KIAA1217: variants seen among roughly 807,000 people sequenced by gnomAD.
The protein encoded by KIAA1217 is sickle tail protein homolog.
Under a neutral mutation model 163.9 loss-of-function variants are expected in KIAA1217, and 88 were observed. The observed-to-expected ratio is 0.54, with a 90% CI of 0.45 to 0.64. The LOEUF (loss-of-function observed/expected upper bound fraction) is 0.64, where lower values mean the gene tolerates loss of function less well. KIAA1217 is among the 30% of genes least tolerant of loss of function. The pLI is 0.00. For missense variants in KIAA1217, 2,372 were observed against 2,475.0 expected, an observed-to-expected ratio of 0.96 and a Z score of 0.88; for synonymous variants, 903 against 923.1, an observed-to-expected ratio of 0.98 and a Z score of 0.39.
At chr10:23,716,769 AC>A (rs747145289) in intron 1 of KIAA1217, among the ~76,000 whole-genome samples, 24 of 152,314 alleles carry the variant, frequency 1.6e-4, no homozygotes, top group Non-Finnish European at 3.2e-4. Flanking sequence ...CAACAAAAAA[AC>A]ATTCTTGTGG....
chr10:24,052,044 T>A (rs771449319), intron 2 of KIAA1217, among the ~76,000 whole-genome samples: 2 of 152,104 alleles, frequency 1.3e-5, no homozygotes, highest in Non-Finnish European at 2.9e-5. Context: ...TTGGCATGGC[T>A]TCTTATTAAC....
chr10:24,156,885 G>A (rs1007570894), intron 2 of KIAA1217, among the ~76,000 whole-genome samples: 2 of 152,130 alleles, frequency 1.3e-5, no homozygotes, highest in Non-Finnish European at 2.9e-5. Context: ...GCCTCTTTGA[G>A]TGTCATGCTT....
chr10:24,544,991 G>A lies in KIAA1217; in HGVS notation c.5222G>A (p.Gly1741Glu), dbSNP rs200980293. ...TGGTCCTTCCCACAGGGCTCCAGCGGGGCCCCACAGACGAGCAGGATGCCT... is the reference window on the plus strand; with the variant it reads ...TGGTCCTTCCCACAGGGCTCCAGCGAGGCCCCACAGACGAGCAGGATGCCT... ...IPSASRKGSS[G>E]APQTSRMPVP... The change falls in exon 20 of 21, where the codon GGG becomes GAG. Residue 1741 changes from glycine (G) to glutamate (E), a missense_variant. Physicochemically the swap from Gly to Glu is moderately conservative, Grantham distance 98. Coordinates refer to ENST00000376454, the MANE Select transcript of KIAA1217 (RefSeq NM_019590.5). 6.3e-5 allele frequency: 101 copies of A among 1,613,892 alleles called. No individual in the cohort carries two copies. The highest frequency in any genetic ancestry group is 2.5e-6 in the Non-Finnish European group (3 of 1,179,964).
At chr10:24,009,461 A>G (rs1351195909) in intron 2 of KIAA1217, among the ~76,000 whole-genome samples, 1 of 152,188 alleles carries the variant, frequency 6.6e-6, no homozygotes, top group Non-Finnish European at 1.5e-5. Context: ...TAAAGAATAA[A>G]TGTGTTTCAA....
At position 24,416,564 on chromosome 10, in the gene KIAA1217, CA is replaced by C. The variant is rs142750933; in HGVS notation, c.554-16428del. 2.2e-3 allele frequency among the ~76,000 whole-genome samples: 334 copies of C among 152,316 alleles called. 5 individuals carry two copies. The East Asian group carries it at 0.022, about 10-fold the overall frequency. On this transcript the variant is annotated intron_variant, in intron 3 of 20. Coordinates refer to ENST00000376454, the MANE Select transcript of KIAA1217 (RefSeq NM_019590.5). ...TTTTTAAAGGTATAAATCAAGCTAACAAACTATTAGATAAAATGTGTTCTAT... is the reference window on the plus strand; with the variant it reads ...TTTTTAAAGGTATAAATCAAGCTAACAACTATTAGATAAAATGTGTTCTAT...
chr10:24,411,742 C>T (rs923133471), intron 3 of KIAA1217, among the ~76,000 whole-genome samples: 5 of 151,866 alleles, frequency 3.3e-5, no homozygotes, highest in Admixed American at 6.6e-5. Context: ...AAGAAAACAA[C>T]GGAAAATTAA....
At chr10:24,355,152 G>A (rs916045719) in intron 2 of KIAA1217, among the ~76,000 whole-genome samples, 2 of 152,194 alleles carry the variant, frequency 1.3e-5, no homozygotes, top group Non-Finnish European at 2.9e-5. Flanking sequence ...CAGGTTGGCT[G>A]AACTCAGTCC....
rs778185120 is a variant in KIAA1217, at chr10:23,934,557, GTATATATATA to G, written c.-320-72644_-320-72635del. ...AAAAATATATTAAGTGGTCTTTAAA[GTATATATATA>G]TATATATATATATATATATATATGT... On this transcript the variant is annotated intron_variant, in intron 1 of 18. Coordinates refer to the KIAA1217 transcript ENST00000376462. Among the ~76,000 whole-genome samples, 158 of 44,342 alleles carry G rather than the reference GTATATATATA, an allele frequency of 3.6e-3. 6 individuals carry two copies. The highest frequency in any genetic ancestry group is 0.027 in the East Asian group (57 of 2,108). The allele number at this position is 44,342 out of a possible 152,430, so 29.1% of individuals were successfully genotyped here.
chr10:23,797,973 T>C (rs527964609), intron 1 of KIAA1217, among the ~76,000 whole-genome samples: 1 of 152,332 alleles, frequency 6.6e-6, no homozygotes, highest in Non-Finnish European at 1.5e-5. Flanking sequence ...CTTTAGGGAC[T>C]CTGCCACCTA....
At chr10:23,701,285 A>T (rs1836431202) in intron 1 of KIAA1217, among the ~76,000 whole-genome samples, 1 of 152,210 alleles carries the variant, frequency 6.6e-6, no homozygotes. Context: ...GCTGCTGAAG[A>T]TAAGTAGGAA....
At chr10:23,903,198 A>G (rs1402462217) in intron 1 of KIAA1217, among the ~76,000 whole-genome samples, 1 of 152,136 alleles carries the variant, frequency 6.6e-6, no homozygotes, top group Non-Finnish European at 1.5e-5. Flanking sequence ...AATAAAATCT[A>G]TTCCATTTTT....
intron 2 of KIAA1217, among the ~76,000 whole-genome samples, chr10:24,166,176 A>C (rs1276549871): frequency 1.3e-5 from 2 of 152,064 alleles, no homozygotes; most frequent in Non-Finnish European, 2.9e-5. Flanking sequence ...GAAAAAAAAA[A>C]CACCACCCTC....
chr10:24,409,530 T>G (rs991536027), intron 3 of KIAA1217, among the ~76,000 whole-genome samples: 3 of 152,206 alleles, frequency 2.0e-5, no homozygotes, highest in Non-Finnish European at 4.4e-5. Context: ...TTGGTGATCG[T>G]TTCATAAGTA....
At chr10:23,732,672 C>T (rs1838540933) in intron 1 of KIAA1217, among the ~76,000 whole-genome samples, 1 of 151,684 alleles carries the variant, frequency 6.6e-6, no homozygotes, top group Non-Finnish European at 1.5e-5. Context: ...TATTTTTTTC[C>T]TCTACTTACT....
intron 1 of KIAA1217, among the ~76,000 whole-genome samples, chr10:23,772,761 G>C (rs757709973): frequency 3.3e-5 from 5 of 152,160 alleles, no homozygotes; most frequent in Non-Finnish European, 7.3e-5. Context: ...AATCCTATTG[G>C]ATAATTAAGA....
rs575113337 is a variant in KIAA1217, at chr10:24,414,933, G to T, written c.554-18062G>T. Among the ~76,000 whole-genome samples, 4 of 152,178 alleles carry T rather than the reference G, an allele frequency of 2.6e-5. No individual in the cohort carries two copies. In the South Asian group the frequency reaches 8.3e-4, roughly 32 times the overall value. ...GTATCAGAGGAGAACAAAAGATAAA[G>T]GTACAACCAAAAAGTCTTCTGGAGT... On this transcript the variant is annotated intron_variant, in intron 3 of 20. Transcript: ENST00000376454.
chr10:23,701,635 A>G (rs116371559), intron 1 of KIAA1217, among the ~76,000 whole-genome samples: 2,480 of 152,080 alleles, frequency 0.016, 55 homozygotes, highest in African/African-American at 0.056. Context: ...TAATAAAATG[A>G]CCCCTGTAAA....
At chr10:23,722,314 A>G (rs1293601909) in intron 1 of KIAA1217, among the ~76,000 whole-genome samples, 3 of 152,162 alleles carry the variant, frequency 2.0e-5, no homozygotes, top group Admixed American at 1.3e-4. Flanking sequence ...GACAATAAGA[A>G]TGTACTTGAA....
intron 2 of KIAA1217, among the ~76,000 whole-genome samples, chr10:24,336,646 C>T (rs1564494260): frequency 6.6e-6 from 1 of 152,262 alleles, no homozygotes; most frequent in East Asian, 1.9e-4. Flanking sequence ...GCTGAGCTAT[C>T]TATACTTTGA....
Sources: allele counts gnomAD v4.1 joint callset (sites outside exome capture counted in the v4.1 genomes callset), GRCh38; gene constraint gnomAD v4.1.1; transcripts MANE v1.5; gene names NCBI Gene and HGNC (gene_info 2026-07-23, HGNC 2026-07-21).